Variants in KLHL14 observed in about 807,000 individuals in gnomAD.
The protein encoded by KLHL14 is kelch-like protein 14.
KLHL14 carries 22 observed loss-of-function variants against 64.3 expected under a neutral mutation model. That is an observed-to-expected ratio of 0.34 (90% CI 0.24 to 0.49). The LOEUF is 0.49. KLHL14 is among the 20% of genes least tolerant of loss of function. The probability of loss-of-function intolerance (pLI) is 0.99; values close to 1 mark genes in which losing one functional copy is unlikely to be tolerated. For missense variants in KLHL14, 661 were observed against 789.0 expected (o/e 0.84, Z 1.94); for synonymous variants, 322 against 333.4 (o/e 0.97, Z 0.37).
intron 2 of KLHL14, among the ~76,000 whole-genome samples, chr18:32,751,777 C>T (rs1429378535): frequency 1.3e-5 from 2 of 152,200 alleles, no homozygotes; most frequent in South Asian, 2.1e-4. Context: ...GAAGAACTTA[C>T]TACATAGTAG....
intron 3 of KLHL14, among the ~76,000 whole-genome samples, chr18:32,708,451 C>G (rs1031182144): frequency 1.3e-5 from 2 of 152,216 alleles, no homozygotes; most frequent in African/African-American, 4.8e-5. Flanking sequence ...GGAGAAATCA[C>G]TGGAGTTTGG....
At chr18:32,755,055 C>T (rs111782894) in intron 2 of KLHL14, among the ~76,000 whole-genome samples, 1 of 152,146 alleles carries the variant, frequency 6.6e-6, no homozygotes, top group African/African-American at 2.4e-5. Context: ...CACCCTGCTG[C>T]TGTGGGTGAA....
chr18:32,739,402 AC>A (rs901966570), intron 3 of KLHL14, among the ~76,000 whole-genome samples: 5 of 151,894 alleles, frequency 3.3e-5, no homozygotes, highest in African/African-American at 2.4e-5. Flanking sequence ...AAAAAAAAAA[AC>A]CAAGCAGAAA....
intron 1 of KLHL14, chr18:32,772,340 C>T (rs576380910): frequency 4.5e-5 from 11 of 246,328 alleles, no homozygotes; most frequent in South Asian, 4.4e-4. Flanking sequence ...CCCACGCCCG[C>T]CCCCAAAGCT....
chr18:32,681,482 A>C (rs1192566411), intron 5 of KLHL14, among the ~76,000 whole-genome samples: 1 of 152,170 alleles, frequency 6.6e-6, no homozygotes, highest in Non-Finnish European at 1.5e-5. Flanking sequence ...CTGAGGGAAA[A>C]TAACATTCAA....
At chr18:32,756,692 G>A (rs142512838) in intron 2 of KLHL14, among the ~76,000 whole-genome samples, 105 of 152,168 alleles carry the variant, frequency 6.9e-4, no homozygotes, top group Non-Finnish European at 1.0e-3. Flanking sequence ...CCTTAAGGGT[G>A]GTGTTTAAAT....
chr18:32,696,390 T>G (rs1219346338), intron 3 of KLHL14, among the ~76,000 whole-genome samples: 1 of 152,218 alleles, frequency 6.6e-6, no homozygotes, highest in African/African-American at 2.4e-5. Flanking sequence ...TGTCTCCTTT[T>G]GTGCTGTGCA....
intron 2 of KLHL14, among the ~76,000 whole-genome samples, chr18:32,754,100 C>T (rs1463358499): frequency 6.6e-6 from 1 of 152,220 alleles, no homozygotes; most frequent in Non-Finnish European, 1.5e-5. Flanking sequence ...AAGCTCTTCT[C>T]TTTGTTCAAG....
At chr18:32,715,374 T>C (rs910666345) in intron 3 of KLHL14, among the ~76,000 whole-genome samples, 1 of 152,174 alleles carries the variant, frequency 6.6e-6, no homozygotes, top group Admixed American at 6.5e-5. Context: ...ACAAACACAT[T>C]AAATTCACTT....
chr18:32,743,238 A>G (rs2050208064), intron 2 of KLHL14: 2 of 152,266 alleles, frequency 1.3e-5, no homozygotes, highest in African/African-American at 4.8e-5. Flanking sequence ...GATTCCTCTT[A>G]GTGATGATCA....
At chr18:32,716,309 C>G (rs1168828325) in intron 3 of KLHL14, among the ~76,000 whole-genome samples, 2 of 151,888 alleles carry the variant, frequency 1.3e-5, no homozygotes, top group African/African-American at 4.8e-5. Context: ...GTGGTAAATA[C>G]AAATTATCAA....
chr18:32,724,113 A>G (rs2050093654), intron 3 of KLHL14, among the ~76,000 whole-genome samples: 1 of 152,226 alleles, frequency 6.6e-6, no homozygotes, highest in Admixed American at 6.5e-5. Context: ...TTCATAGAAC[A>G]TGGCTTAATA....
chr18:32,758,185 C>T (rs1234047346), intron 2 of KLHL14, among the ~76,000 whole-genome samples: 5 of 151,810 alleles, frequency 3.3e-5, no homozygotes, highest in African/African-American at 7.3e-5. Flanking sequence ...TGCAGTGGAC[C>T]GATCACAGCT....
At chr18:32,768,430 C>G (rs186504160) in intron 2 of KLHL14, among the ~76,000 whole-genome samples, 59 of 144,698 alleles carry the variant, frequency 4.1e-4, no homozygotes, top group African/African-American at 1.5e-3. Context: ...CACACACACA[C>G]ACCATTTAAT....
At chr18:32,690,134 T>C (rs2049899999) in intron 4 of KLHL14, among the ~76,000 whole-genome samples, 1 of 151,850 alleles carries the variant, frequency 6.6e-6, no homozygotes, top group South Asian at 2.1e-4. Flanking sequence ...AGGAGAGTGG[T>C]TATAGGGATG....
chr18:32,693,407 C>CAG (rs1313230238), intron 4 of KLHL14, among the ~76,000 whole-genome samples: 28 of 119,884 alleles, frequency 2.3e-4, no homozygotes, highest in African/African-American at 8.8e-4. Context: ...CACACACACA[C>CAG]ACACACAGAG....
intron 2 of KLHL14, among the ~76,000 whole-genome samples, chr18:32,767,092 A>G (rs2050350094): frequency 6.6e-6 from 1 of 152,194 alleles, no homozygotes; most frequent in Non-Finnish European, 1.5e-5. Context: ...TAATAAATAC[A>G]AGGTCCTTCT....
intron 3 of KLHL14, among the ~76,000 whole-genome samples, chr18:32,702,820 C>A (rs1048381946): frequency 6.6e-6 from 1 of 152,146 alleles, no homozygotes; most frequent in Non-Finnish European, 1.5e-5. Flanking sequence ...TTCTCCCTTA[C>A]CTCCTACTTG....
intron 3 of KLHL14, among the ~76,000 whole-genome samples, chr18:32,722,320 G>A (rs17665806): frequency 0.18 from 27,615 of 152,120 alleles, 2,922 homozygotes; most frequent in Middle Eastern, 0.27. Context: ...CAAATATGCA[G>A]TGACTTTACC....
Sources: allele counts gnomAD v4.1 joint callset (sites outside exome capture counted in the v4.1 genomes callset), GRCh38; gene constraint gnomAD v4.1.1; transcripts MANE v1.5; gene names NCBI Gene and HGNC (gene_info 2026-07-23, HGNC 2026-07-21).